ENTPD1: variants seen among roughly 807,000 people sequenced by gnomAD.
ENTPD1 encodes ATP diphosphohydrolase.
In ENTPD1, 33 loss-of-function variants were observed where a neutral mutation model predicts 57.0. The ratio of observed to expected loss-of-function variants is 0.58; its 90% CI spans 0.44 to 0.77. The LOEUF (loss-of-function observed/expected upper bound fraction) is 0.77. Ranked by LOEUF, ENTPD1 falls within the 30% of genes least tolerant of loss-of-function variation. The pLI is 0.00. For synonymous variants in ENTPD1, 202 were observed against 218.8 expected (o/e 0.92, Z 0.68); for missense variants, 501 against 603.4 (o/e 0.83, Z 1.78).
At chr10:95,723,648 A>C (rs527494765) in intron 1 of ENTPD1, among the ~76,000 whole-genome samples, 1 of 152,304 alleles carries the variant, frequency 6.6e-6, no homozygotes, top group Non-Finnish European at 1.5e-5. Flanking sequence ...GTTGGGACCC[A>C]GGAGGTATGG....
At chr10:95,783,762 T>C (rs1275534598) in intron 1 of ENTPD1, among the ~76,000 whole-genome samples, 4 of 151,810 alleles carry the variant, frequency 2.6e-5, no homozygotes, top group Admixed American at 2.0e-4. Flanking sequence ...CAATTCTTCC[T>C]GGCATTTTGA....
At chr10:95,699,226 C>A in the ENTPD1 span, among the ~76,000 whole-genome samples, 2 of 151,824 alleles carry the variant, frequency 1.3e-5, no homozygotes, top group Non-Finnish European at 2.9e-5. Flanking sequence ...TAGTTTAGAA[C>A]AAATATAATT....
chr10:95,796,065 G>A (rs554117181), intron 1 of ENTPD1, among the ~76,000 whole-genome samples: 23 of 152,298 alleles, frequency 1.5e-4, no homozygotes, highest in African/African-American at 5.3e-4. Context: ...ATGGAATTGA[G>A]AAGTTAAAAC....
intron 1 of ENTPD1, among the ~76,000 whole-genome samples, chr10:95,777,850 A>G (rs1429211253): frequency 6.6e-6 from 1 of 152,118 alleles, no homozygotes; most frequent in Non-Finnish European, 1.5e-5. Flanking sequence ...ACCTACTCAA[A>G]CCTCGGCAAT....
the ENTPD1 span, among the ~76,000 whole-genome samples, chr10:95,698,231 G>A: frequency 0.015 from 2,257 of 152,290 alleles, 30 homozygotes; most frequent in Middle Eastern, 0.044. Flanking sequence ...ATTGTGGAGG[G>A]CCAAACTTGA....
At chr10:95,841,258 G>A (rs1483979099) in intron 3 of ENTPD1, among the ~76,000 whole-genome samples, 4 of 152,052 alleles carry the variant, frequency 2.6e-5, no homozygotes, top group Admixed American at 1.3e-4. Context: ...ATGGTGGTGC[G>A]TGCCTGTAGT....
chr10:95,736,338 A>G (rs2097994686), intron 1 of ENTPD1, among the ~76,000 whole-genome samples: 1 of 152,154 alleles, frequency 6.6e-6, no homozygotes, highest in Admixed American at 6.5e-5. Context: ...GTGTGTGACC[A>G]ATTCGTGTGC....
At chr10:95,747,258 A>G (rs1014367227) in intron 1 of ENTPD1, among the ~76,000 whole-genome samples, 2 of 152,250 alleles carry the variant, frequency 1.3e-5, no homozygotes, top group African/African-American at 2.4e-5. Context: ...TTCAAATGTC[A>G]TAATATTTTG....
At chr10:95,840,726 G>A (rs1394116398) in intron 3 of ENTPD1, among the ~76,000 whole-genome samples, 1 of 152,114 alleles carries the variant, frequency 6.6e-6, no homozygotes, top group Non-Finnish European at 1.5e-5. Flanking sequence ...TAGAGTGGTT[G>A]ACATTCAGCT....
At chr10:95,800,095 A>T (rs1420769228) in intron 1 of ENTPD1, among the ~76,000 whole-genome samples, 1 of 152,104 alleles carries the variant, frequency 6.6e-6, no homozygotes, top group Admixed American at 6.5e-5. Context: ...TACTCTGTTG[A>T]TAGTTTATTT....
At chr10:95,710,004 C>A (rs1414410461), upstream of ENTPD1, among the ~76,000 whole-genome samples, 1 of 151,938 alleles carries the variant, frequency 6.6e-6, no homozygotes, top group East Asian at 2.0e-4. Flanking sequence ...GAACTCCTGA[C>A]CTTAGGTGAT....
Position 95,874,473 on chromosome 10 carries a change from C to T in ENTPD1, c.*8090C>T, listed in dbSNP as rs910523385. On this transcript the variant is annotated 3_prime_UTR_variant, in exon 10 of 10. Coordinates refer to ENST00000371205, the MANE Select transcript of ENTPD1 (RefSeq NM_001776.6). Reference sequence around the variant, plus strand: ...CCCCTGTGGCTTTGCAGAGTACAGCCTCCCTCCTGGCTGCTTTCTCAGGCT... The same window carrying T: ...CCCCTGTGGCTTTGCAGAGTACAGCTTCCCTCCTGGCTGCTTTCTCAGGCT... Among the ~76,000 whole-genome samples the T allele has an allele frequency of 6.6e-6, 1 of 152,210 alleles. No homozygotes were observed. The highest frequency in any genetic ancestry group is 6.5e-5 in the Admixed American group (1 of 15,278).
intron 3 of ENTPD1, among the ~76,000 whole-genome samples, chr10:95,840,462 T>A (rs982273256): frequency 3.3e-5 from 5 of 152,214 alleles, no homozygotes; most frequent in Non-Finnish European, 5.9e-5. Flanking sequence ...GGAAGACATT[T>A]TTCAAAGCTT....
At chr10:95,759,108 A>G (rs2098044386) in intron 1 of ENTPD1, among the ~76,000 whole-genome samples, 1 of 152,116 alleles carries the variant, frequency 6.6e-6, no homozygotes, top group African/African-American at 2.4e-5. Context: ...AACTCAATAA[A>G]TATTTAGTAA....
chr10:95,796,285 T>C (rs1459392183), intron 1 of ENTPD1, among the ~76,000 whole-genome samples: 1 of 152,088 alleles, frequency 6.6e-6, no homozygotes, highest in Non-Finnish European at 1.5e-5. Context: ...TATAGCATTG[T>C]GAGAAGGGTG....
In ENTPD1 at chr10:95,816,028, C is replaced by T. The variant is rs527688730; in HGVS notation, c.17-7209C>T. Among the ~76,000 whole-genome samples, 6 of 152,310 alleles carry T rather than the reference C, an allele frequency of 3.9e-5. No individual in the cohort carries two copies. In the South Asian group the frequency reaches 1.2e-3, roughly 32 times the overall value. On this transcript the variant is annotated intron_variant, in intron 1 of 9. Coordinates refer to ENST00000371205, the MANE Select transcript of ENTPD1 (RefSeq NM_001776.6). The stretch of plus-strand genomic sequence containing the variant: ...GTGTGTTTAGGAAGTTGTGTGCATG[C>T]TCATCTGAGGCTTTCTTTCCTTTTC...
At chr10:95,705,751 C>A in the ENTPD1 span, among the ~76,000 whole-genome samples, 1 of 152,214 alleles carries the variant, frequency 6.6e-6, no homozygotes, top group Admixed American at 6.5e-5. Flanking sequence ...CTTGGCCTCC[C>A]AAAGTGCTGG....
At chr10:95,802,541 T>C (rs924528446) in intron 1 of ENTPD1, among the ~76,000 whole-genome samples, 36 of 152,124 alleles carry the variant, frequency 2.4e-4, no homozygotes, top group African/African-American at 8.4e-4. Flanking sequence ...ATGTGCCATG[T>C]TGGTTTGCTG....
upstream of ENTPD1, among the ~76,000 whole-genome samples, chr10:95,710,432 A>G (rs1264731934): frequency 6.6e-6 from 1 of 152,140 alleles, no homozygotes; most frequent in East Asian, 1.9e-4. Context: ...GATACTCATG[A>G]TTAAAATAAC....
Sources: gnomAD v4.1 joint callset for allele counts (sites outside exome capture counted in the v4.1 genomes callset) on GRCh38, gnomAD v4.1.1 for gene constraint, MANE v1.5 for transcripts, NCBI Gene and HGNC (gene_info 2026-07-23, HGNC 2026-07-21) for gene names.